Variants in CCDC7 observed in about 807,000 individuals in gnomAD.
The protein encoded by CCDC7 is coiled-coil domain-containing protein 7.
Under a neutral mutation model 196.9 loss-of-function variants are expected in CCDC7, and 183 were observed. The observed-to-expected ratio is 0.93, with a 90% CI of 0.82 to 1.05. CCDC7 has a LOEUF of 1.05. Among genes scored for constraint, CCDC7 ranks in the 50% least tolerant of loss-of-function variants. The pLI is 0.00. For synonymous variants in CCDC7, 525 were observed against 484.6 expected (o/e 1.08, Z -1.10); for missense variants, 1,540 against 1,482.2 (o/e 1.04, Z -0.64).
chr10:32,845,218 A>G (rs910364818), intron 33 of CCDC7, 25 bp from the exon 35 acceptor site: 8 of 1,384,172 alleles, frequency 5.8e-6, no homozygotes, highest in Non-Finnish European at 8.0e-6. Context: ...TTCAAAATAT[A>G]TTGATATCTG....
At chr10:32,814,619 A>G (rs562187223) in intron 31 of CCDC7, among the ~76,000 whole-genome samples, 166 bp downstream of exon 32, 2 of 152,166 alleles carry the variant, frequency 1.3e-5, no homozygotes, top group Non-Finnish European at 2.9e-5. Context: ...TCAACTAGCA[A>G]TGTAAAATTA....
At chr10:32,830,121 G>GATATATATATATATATATATAGATATAT in intron 32 of CCDC7, among the ~76,000 whole-genome samples, 1 of 50,656 alleles carries the variant, frequency 2.0e-5, no homozygotes, top group East Asian at 5.5e-4. Flanking sequence ...TATATATAAG[G>GATATATATATATATATATATAGATATAT]ATATATATAT....
intron 20 of CCDC7, among the ~76,000 whole-genome samples, chr10:32,638,281 G>C (rs920204812): frequency 6.6e-6 from 1 of 152,156 alleles, no homozygotes; most frequent in East Asian, 1.9e-4. Flanking sequence ...AATAGGAGTC[G>C]TGAGAGAGGA....
chr10:32,762,868 G>T (rs1313750984), intron 28 of CCDC7, among the ~76,000 whole-genome samples: 1 of 151,668 alleles, frequency 6.6e-6, no homozygotes, highest in African/African-American at 2.4e-5. Flanking sequence ...AACTTAAAAT[G>T]GATTGAAGAC....
At chr10:32,589,925 T>G (rs1372885328) in intron 18 of CCDC7, among the ~76,000 whole-genome samples, 1 of 152,152 alleles carries the variant, frequency 6.6e-6, no homozygotes, top group Non-Finnish European at 1.5e-5. Flanking sequence ...TTCATCCCTA[T>G]GCTTTCAGTC....
intron 29 of CCDC7, among the ~76,000 whole-genome samples, chr10:32,799,384 A>T (rs1743281695): frequency 6.6e-6 from 1 of 152,154 alleles, no homozygotes; most frequent in Non-Finnish European, 1.5e-5. Flanking sequence ...ATATGACCCA[A>T]ATGGCAGAGC....
At chr10:32,740,718 T>G (rs2085684827) in intron 28 of CCDC7, among the ~76,000 whole-genome samples, 2 of 152,216 alleles carry the variant, frequency 1.3e-5, no homozygotes, top group South Asian at 4.1e-4. Flanking sequence ...GACTATCTGT[T>G]TTGGTGGCTC....
chr10:32,820,622 A>G (rs2089977975), intron 31 of CCDC7, among the ~76,000 whole-genome samples: 1 of 152,214 alleles, frequency 6.6e-6, no homozygotes, highest in Non-Finnish European at 1.5e-5. Flanking sequence ...ACAGAGATAT[A>G]GACCAATGGA....
At chr10:32,823,677 C>G (rs2090638192) in intron 31 of CCDC7, among the ~76,000 whole-genome samples, 1 of 152,126 alleles carries the variant, frequency 6.6e-6, no homozygotes, top group Non-Finnish European at 1.5e-5. Context: ...TTTAATAAAC[C>G]AGGTTTACCA....
intron 21 of CCDC7, among the ~76,000 whole-genome samples, chr10:32,676,908 G>T (rs866914546): frequency 6.6e-6 from 1 of 152,060 alleles, no homozygotes; most frequent in Non-Finnish European, 1.5e-5. Context: ...CTGCTATAAA[G>T]ACACATGCAC....
intron 10 of CCDC7, 70 bp downstream of exon 11, chr10:32,518,045 A>G (rs1475417110): frequency 9.4e-6 from 14 of 1,485,700 alleles, no homozygotes; most frequent in Admixed American, 2.4e-5. Context: ...AGAAATTGTC[A>G]GGATACATAA....
intron 24 of CCDC7, among the ~76,000 whole-genome samples, chr10:32,701,622 A>T (rs2078741054): frequency 6.6e-6 from 1 of 152,214 alleles, no homozygotes; most frequent in South Asian, 2.1e-4. Flanking sequence ...CTCTGGTAGA[A>T]TTCGGCTGTG....
At chr10:32,582,106 C>CTATATATATATATA (rs6143863) in intron 16 of CCDC7, among the ~76,000 whole-genome samples, 1,882 of 103,060 alleles carry the variant, frequency 0.018, 72 homozygotes, top group Non-Finnish European at 0.027. Flanking sequence ...ACTGTCAGCA[C>CTATATATATATATA]TATATATATA....
chr10:32,759,210 C>T (rs1324168408), intron 28 of CCDC7, among the ~76,000 whole-genome samples: 5 of 152,290 alleles, frequency 3.3e-5, no homozygotes, highest in African/African-American at 7.2e-5. Context: ...ATCAAGCTAC[C>T]AATGACTTTC....
rs977607798 is a variant in CCDC7, at chr10:32,612,150, T to G, written c.1802-22104T>G. On this transcript the variant is annotated intron_variant, in intron 18 of 41. Coordinates refer to ENST00000639629, the Ensembl canonical transcript of CCDC7. ...GGTCCGTCACATCCCTTGTAAGTTGTATTCCTAGGTATTTTATTCTCTTTG... is the reference window on the plus strand; with the variant it reads ...GGTCCGTCACATCCCTTGTAAGTTGGATTCCTAGGTATTTTATTCTCTTTG... Among the ~76,000 whole-genome samples, 3 of 152,260 alleles carry G rather than the reference T, an allele frequency of 2.0e-5. No individual in the cohort carries two copies. In the East Asian group the frequency reaches 5.8e-4, roughly 29 times the overall value.
intron 20 of CCDC7, among the ~76,000 whole-genome samples, chr10:32,654,874 A>G (rs937330917): frequency 1.3e-5 from 2 of 152,166 alleles, no homozygotes; most frequent in African/African-American, 4.8e-5. Context: ...GCCACTCCTT[A>G]TGGACATCTA....
intron 29 of CCDC7, among the ~76,000 whole-genome samples, chr10:32,798,425 T>G (rs2134921145): frequency 6.6e-6 from 1 of 152,338 alleles, no homozygotes; most frequent in African/African-American, 2.4e-5. Context: ...ATGACAGGCG[T>G]GGCTGAGGAA....
At chr10:32,506,447 G>A (rs140718865) in intron 9 of CCDC7, among the ~76,000 whole-genome samples, 52,441 of 152,142 alleles carry the variant, frequency 0.34, 11,478 homozygotes, top group Non-Finnish European at 0.5. Context: ...CTTCCTAGAC[G>A]GGGTGGCAGG....
At chr10:32,481,635 G>A (rs1394614442) in intron 8 of CCDC7, 1 of 152,106 alleles carries the variant, frequency 6.6e-6, no homozygotes, top group Non-Finnish European at 1.5e-5. Context: ...ACTTTCATAT[G>A]TATTTGTGTT....
Sources: gnomAD v4.1 joint callset for allele counts (sites outside exome capture counted in the v4.1 genomes callset) on GRCh38, gnomAD v4.1.1 for gene constraint, MANE v1.5 for transcripts, NCBI Gene and HGNC (gene_info 2026-07-23, HGNC 2026-07-21) for gene names.